Variants in IGF2BP2 observed in about 807,000 individuals in gnomAD.
IGF2BP2 encodes insulin-like growth factor 2 mRNA-binding protein 2.
A neutral mutation model predicts 75.8 loss-of-function variants in IGF2BP2; 17 were observed. The observed-to-expected ratio is 0.22, with a 90% CI of 0.15 to 0.34. The LOEUF is 0.34. Among genes scored for constraint, IGF2BP2 ranks in the 10% least tolerant of loss-of-function variants. The probability of loss-of-function intolerance (pLI) is 1.00; values close to 1 mark genes in which losing one functional copy is unlikely to be tolerated. For synonymous variants in IGF2BP2, 288 were observed against 295.6 expected (o/e 0.97, Z 0.26); for missense variants, 516 against 772.4 (o/e 0.67, Z 3.93).
intron 2 of IGF2BP2, among the ~76,000 whole-genome samples, chr3:185,779,071 G>A (rs929624484): frequency 6.8e-6 from 1 of 147,938 alleles, no homozygotes; most frequent in Non-Finnish European, 1.5e-5. Flanking sequence ...AGGCAGATAT[G>A]GAACAAAGCT....
Position 185,666,702 on chromosome 3 carries a change from A to G in IGF2BP2, c.1200+5839T>C, listed in dbSNP as rs139252623. Among the ~76,000 whole-genome samples, 216 of 152,300 alleles carry G rather than the reference A, an allele frequency of 1.4e-3. 5 individuals carry two copies. The East Asian group carries it at 0.035, about 25-fold the overall frequency. ...AATAACCACAAGTTTGGATATTTAAAAGGCAATAATAGTCTGTTTTGTATC... is the reference window on the plus strand; with the variant it reads ...AATAACCACAAGTTTGGATATTTAAGAGGCAATAATAGTCTGTTTTGTATC... On this transcript the variant is annotated intron_variant, in intron 10 of 15. Transcript: ENST00000382199.
At chr3:185,657,476 G>T in intron 11 of IGF2BP2, 74 bp from the exon 12 acceptor site, 1 of 1,149,924 alleles carries the variant, frequency 8.7e-7, no homozygotes. Context: ...CAGGTACCAA[G>T]CACCTTACCA....
Position 185,645,661 on chromosome 3 carries a change from G to A in IGF2BP2, c.1708-38C>T, listed in dbSNP as rs1713384842. The A allele has an allele frequency of 1.3e-6, 2 of 1,525,828 alleles. No individual in the cohort carries two copies. The highest frequency in any genetic ancestry group is 1.4e-5 in the African/African-American group (1 of 73,108). The allele number at this position is 1,525,828 out of a possible 1,614,324, so 94.5% of individuals were successfully genotyped here. ...AGAGAAGGGAGAGGAAGGGACAGGGGAAAAAAGGAACCCAGTTCTGAGGAC... is the reference window on the plus strand; with the variant it reads ...AGAGAAGGGAGAGGAAGGGACAGGGAAAAAAAGGAACCCAGTTCTGAGGAC... On this transcript the variant is annotated intron_variant, in intron 15 of 15. Transcript: ENST00000382199. This position sits in a 1 kb window ranked among gnomAD's most constrained non-coding sequence, Gnocchi z 4.9.
chr3:185,693,508 AT>A (rs923313213), intron 4 of IGF2BP2, among the ~76,000 whole-genome samples: 93 of 152,348 alleles, frequency 6.1e-4, no homozygotes, highest in African/African-American at 2.2e-3. Flanking sequence ...AATCTAATAA[AT>A]AAAACTGACA....
intron 13 of IGF2BP2, among the ~76,000 whole-genome samples, chr3:185,650,777 C>T (rs1194298874): frequency 6.6e-6 from 1 of 152,168 alleles, no homozygotes; most frequent in Non-Finnish European, 1.5e-5. Context: ...CCACACTATT[C>T]CCCCAGATAA....
intron 2 of IGF2BP2, among the ~76,000 whole-genome samples, chr3:185,757,666 T>C (rs560493593): frequency 1.8e-4 from 28 of 152,230 alleles, no homozygotes; most frequent in African/African-American, 5.8e-4. Flanking sequence ...GGTTTCGCCA[T>C]GTTGCCCAGG....
chr3:185,742,000 G>A (rs997711304), intron 2 of IGF2BP2, among the ~76,000 whole-genome samples: 1 of 152,176 alleles, frequency 6.6e-6, no homozygotes, highest in Non-Finnish European at 1.5e-5. Flanking sequence ...AGAAGGAAAA[G>A]AAGAGATAAT....
chr3:185,663,237 G>A (rs1716759644), intron 10 of IGF2BP2, among the ~76,000 whole-genome samples: 1 of 152,186 alleles, frequency 6.6e-6, no homozygotes, highest in Non-Finnish European at 1.5e-5. Context: ...TTATGACGGA[G>A]AAGCTACTTT....
In IGF2BP2 at chr3:185,727,213, G is replaced by C. The variant is rs1197197233; in HGVS notation, c.240-28866C>G. Among the ~76,000 whole-genome samples, 15 of 120,146 alleles carry C rather than the reference G, an allele frequency of 1.2e-4. No homozygotes were observed. The South Asian group carries it at 1.7e-3, about 13-fold the overall frequency. The allele number at this position is 120,146 out of a possible 152,430, so 78.8% of individuals were successfully genotyped here. On this transcript the variant is annotated intron_variant, in intron 2 of 15. Coordinates refer to ENST00000382199, the MANE Select transcript of IGF2BP2 (RefSeq NM_006548.6). ...AGCCTGGGCGACAGAGAGAGACTCC[G>C]TCTCAAAAAAAAAAAAAAAAAGTAA...
chr3:185,676,090 A>G (rs1036072031), intron 7 of IGF2BP2, among the ~76,000 whole-genome samples, 177 bp from the exon 8 acceptor site: 1 of 152,220 alleles, frequency 6.6e-6, no homozygotes, highest in Non-Finnish European at 1.5e-5. Flanking sequence ...TTTGATTAAC[A>G]TAAGCCAAAC....
At chr3:185,700,630 T>C (rs549889100) in intron 2 of IGF2BP2, among the ~76,000 whole-genome samples, 93 of 152,252 alleles carry the variant, frequency 6.1e-4, no homozygotes, top group African/African-American at 2.2e-3. Context: ...GAAAATAAAA[T>C]ATTTCTAAAG....
chr3:185,654,427 T>G (rs189766125), intron 12 of IGF2BP2, among the ~76,000 whole-genome samples: 2 of 152,338 alleles, frequency 1.3e-5, no homozygotes, highest in Non-Finnish European at 2.9e-5. Context: ...CATGGCTGTG[T>G]GGTTCCCAGC....
chr3:185,714,884 G>A (rs189729683), intron 2 of IGF2BP2, among the ~76,000 whole-genome samples: 1 of 152,258 alleles, frequency 6.6e-6, no homozygotes, highest in Non-Finnish European at 1.5e-5. Flanking sequence ...GTGACTATTG[G>A]CTTTCTTAAT....
intron 2 of IGF2BP2, among the ~76,000 whole-genome samples, chr3:185,800,909 C>T (rs1738155893): frequency 6.6e-6 from 1 of 152,016 alleles, no homozygotes; most frequent in South Asian, 2.1e-4. Context: ...AAACGATCAT[C>T]AGAGTGAACA....
chr3:185,653,666 G>A (rs778558771), intron 12 of IGF2BP2, among the ~76,000 whole-genome samples: 4 of 151,916 alleles, frequency 2.6e-5, no homozygotes, highest in Non-Finnish European at 5.9e-5. Flanking sequence ...TTGTAAGGAT[G>A]AGCCAAGACC....
chr3:185,656,726 G>C (rs780328217), intron 12 of IGF2BP2, among the ~76,000 whole-genome samples: 2 of 152,218 alleles, frequency 1.3e-5, no homozygotes, highest in African/African-American at 2.4e-5. Context: ...AAGGAGGCAG[G>C]ATGTGGGCCT....
At chr3:185,687,430 T>G (rs889588695) in intron 6 of IGF2BP2, among the ~76,000 whole-genome samples, 1 of 152,230 alleles carries the variant, frequency 6.6e-6, no homozygotes, top group South Asian at 2.1e-4. Flanking sequence ...AGGAGTGCTG[T>G]AGGACAAAGG....
chr3:185,778,817 C>A (rs1734848626), intron 2 of IGF2BP2, among the ~76,000 whole-genome samples: 1 of 152,206 alleles, frequency 6.6e-6, no homozygotes, highest in African/African-American at 2.4e-5. Context: ...CACACTCTGA[C>A]CAACATTGCT....
chr3:185,779,180 A>G (rs906012003), intron 2 of IGF2BP2, among the ~76,000 whole-genome samples: 5 of 152,046 alleles, frequency 3.3e-5, no homozygotes, highest in Admixed American at 2.0e-4. Context: ...AAAATAAAAC[A>G]CTTCCAAATC....
Sources: gnomAD v4.1 joint callset for allele counts (sites outside exome capture counted in the v4.1 genomes callset) on GRCh38, gnomAD v4.1.1 for gene constraint, Gnocchi (gnomAD v3.1) non-coding constraint, MANE v1.5 for transcripts, NCBI Gene and HGNC (gene_info 2026-07-23, HGNC 2026-07-21) for gene names.